The following ERG variants were observed in gnomAD, a reference collection of about 807,000 sequenced individuals.
The protein encoded by ERG is transcriptional regulator ERG.
A neutral mutation model predicts 55.3 loss-of-function variants in ERG; 9 were observed. The observed-to-expected ratio is 0.16, with a 90% CI of 0.10 to 0.28. The LOEUF (loss-of-function observed/expected upper bound fraction) is 0.28. Among genes scored for constraint, ERG ranks in the 10% least tolerant of loss-of-function variants. The pLI, the probability that ERG is intolerant of heterozygous loss-of-function variation, is 1.00. For synonymous variants in ERG, 223 were observed against 237.3 expected, an observed-to-expected ratio of 0.94 and a Z score of 0.55; for missense variants, 434 against 631.6, an observed-to-expected ratio of 0.69 and a Z score of 3.35.
At chr21:38,445,651 G>A in intron 1 of ERG, 30 bp from the exon 2 acceptor site, 1 of 1,577,634 alleles carries the variant, frequency 6.3e-7, no homozygotes, top group African/African-American at 1.3e-5. Flanking sequence ...CATAATTCAA[G>A]ACACTCCAAC....
At chr21:38,585,569 A>ATTT (rs1306257650), upstream of ERG, among the ~76,000 whole-genome samples, 1 of 43,536 alleles carries the variant, frequency 2.3e-5, no homozygotes, top group African/African-American at 6.0e-5. Flanking sequence ...AGATACAGGA[A>ATTT]TTTCTTACAC....
At chr21:38,447,558 A>C (rs2058903513) in intron 1 of ERG, among the ~76,000 whole-genome samples, 1 of 150,658 alleles carries the variant, frequency 6.6e-6, no homozygotes, top group Non-Finnish European at 1.5e-5. Flanking sequence ...CCTGAAATTC[A>C]TGGCTTTCTC....
intron 1 of ERG, among the ~76,000 whole-genome samples, chr21:38,496,294 C>CA (rs1480943952): frequency 6.6e-6 from 1 of 152,060 alleles, no homozygotes; most frequent in Non-Finnish European, 1.5e-5. Context: ...ACTGAAACAA[C>CA]AAAAAAACAG....
chr21:38,657,813 G>C lies in ERG; in HGVS notation c.-150+3845C>G, dbSNP rs111456215. 1.4e-3 allele frequency among the ~76,000 whole-genome samples: 214 copies of C among 152,236 alleles called. 1 individual carries two copies. Among genetic ancestry groups the C allele is most frequent in the African/African-American group, 4.9e-3 (205 of 41,550 alleles). The stretch of plus-strand genomic sequence containing the variant: ...TAATAAGAGTGTGGGAAATACCAGG[G>C]AGAATGCTATCATGCAAGGAACAGC... On this transcript the variant is annotated intron_variant, in intron 1 of 10. Coordinates refer to the ERG transcript ENST00000398910.
intron 2 of ERG, among the ~76,000 whole-genome samples, chr21:38,526,833 C>T (rs1237387115): frequency 2.6e-5 from 4 of 152,024 alleles, no homozygotes; most frequent in African/African-American, 4.8e-5. Flanking sequence ...ATTATTAGAA[C>T]ATACGAAAGT....
chr21:38,586,083 T>C (rs1364587304), upstream of ERG, among the ~76,000 whole-genome samples: 3 of 151,482 alleles, frequency 2.0e-5, no homozygotes, highest in East Asian at 3.9e-4. Context: ...GAGTTCTTAT[T>C]TTCCTCTTTT....
intron 3 of ERG, among the ~76,000 whole-genome samples, chr21:38,422,093 C>T (rs1486193931): frequency 6.6e-6 from 1 of 152,216 alleles, no homozygotes; most frequent in Non-Finnish European, 1.5e-5. Flanking sequence ...ATCAGGCCAA[C>T]AGGAGACTGG....
intron 2 of ERG, among the ~76,000 whole-genome samples, chr21:38,426,675 A>C (rs1416191873): frequency 1.3e-5 from 2 of 152,182 alleles, no homozygotes; most frequent in Non-Finnish European, 2.9e-5. Flanking sequence ...TCACGCCTGT[A>C]ATCCCAGCAC....
At chr21:38,451,045 A>G (rs1183101721) in intron 1 of ERG, 1 of 430,534 alleles carries the variant, frequency 2.3e-6, no homozygotes, top group African/African-American at 2.0e-5. Context: ...TGGAAGGAAG[A>G]AGTTGGATTA....
chr21:38,619,827 A>G (rs762557798), intron 1 of ERG, among the ~76,000 whole-genome samples: 5 of 152,254 alleles, frequency 3.3e-5, no homozygotes, highest in Non-Finnish European at 5.9e-5. Flanking sequence ...ATAATTCGTC[A>G]TGGTTATTAT....
chr21:38,423,178 A>C (rs1989627049), intron 3 of ERG, among the ~76,000 whole-genome samples: 1 of 151,850 alleles, frequency 6.6e-6, no homozygotes, highest in African/African-American at 2.4e-5. Flanking sequence ...GCTGTCTCAC[A>C]TATTTTTTAA....
chr21:38,617,958 G>A (rs2060268152), intron 1 of ERG, among the ~76,000 whole-genome samples: 1 of 152,158 alleles, frequency 6.6e-6, no homozygotes, highest in Admixed American at 6.5e-5. Context: ...CCACAGGCAG[G>A]ACAAGGCCAG....
chr21:38,518,377 C>A (rs2059569171), intron 2 of ERG, among the ~76,000 whole-genome samples: 1 of 151,898 alleles, frequency 6.6e-6, no homozygotes, highest in Admixed American at 6.6e-5. Context: ...TATAAAGGCA[C>A]AGCAATTAGG....
intron 2 of ERG, among the ~76,000 whole-genome samples, chr21:38,545,913 G>A (rs543284405): frequency 3.4e-4 from 51 of 152,230 alleles, no homozygotes; most frequent in African/African-American, 1.2e-3. Flanking sequence ...CAAAGATTGC[G>A]AACCAAATCT....
intron 1 of ERG, among the ~76,000 whole-genome samples, chr21:38,601,739 C>T (rs1383454136): frequency 1.3e-5 from 2 of 152,156 alleles, no homozygotes; most frequent in Non-Finnish European, 2.9e-5. Flanking sequence ...TAACAGTTTT[C>T]TCCTACATAG....
chr21:38,472,594 C>A (rs1007403479), intron 1 of ERG, among the ~76,000 whole-genome samples: 1 of 152,138 alleles, frequency 6.6e-6, no homozygotes, highest in African/African-American at 2.4e-5. Flanking sequence ...TTGGTTACCC[C>A]CGCTGAGCTC....
downstream of ERG, among the ~76,000 whole-genome samples, chr21:38,376,506 C>T (rs1482493757): frequency 1.3e-5 from 2 of 152,254 alleles, no homozygotes; most frequent in Non-Finnish European, 2.9e-5. Flanking sequence ...GGTGGAAGTG[C>T]TGGTCTGCCC....
chr21:38,465,132 G>T (rs1176568154), intron 1 of ERG, among the ~76,000 whole-genome samples: 1 of 152,076 alleles, frequency 6.6e-6, no homozygotes, highest in Non-Finnish European at 1.5e-5. Context: ...TTTGCCTGTG[G>T]GATGTTACAA....
intron 1 of ERG, among the ~76,000 whole-genome samples, chr21:38,644,299 G>T (rs1007143800): frequency 1.3e-5 from 2 of 151,592 alleles, no homozygotes; most frequent in East Asian, 3.9e-4. Context: ...AAGAACTTTC[G>T]ATATATTATA....
Sources: allele counts gnomAD v4.1 joint callset (sites outside exome capture counted in the v4.1 genomes callset), GRCh38; gene constraint gnomAD v4.1.1; transcripts MANE v1.5; gene names NCBI Gene and HGNC (gene_info 2026-07-23, HGNC 2026-07-21).